Variants in ASTN2 observed in about 807,000 individuals in gnomAD.
The protein encoded by ASTN2 is astrotactin-2.
A neutral mutation model predicts 139.8 loss-of-function variants in ASTN2; 54 were observed. That is an observed-to-expected ratio of 0.39 (90% CI 0.31 to 0.48). The LOEUF is 0.48. ASTN2 is among the 20% of genes least tolerant of loss of function. The probability of loss-of-function intolerance (pLI) is 0.95; values close to 1 mark genes in which losing one functional copy is unlikely to be tolerated. For missense variants in ASTN2, 1,565 were observed against 1,725.1 expected (o/e 0.91, Z 1.64); for synonymous variants, 756 against 719.5 (o/e 1.05, Z -0.81).
At chr9:117,088,783 G>A (rs991930178) in intron 5 of ASTN2, among the ~76,000 whole-genome samples, 24 of 152,228 alleles carry the variant, frequency 1.6e-4, no homozygotes, top group African/African-American at 5.8e-4. Context: ...AACTGGCTGA[G>A]CAACCTGCAG....
chr9:117,352,944 G>A (rs1321843129), intron 1 of ASTN2, among the ~76,000 whole-genome samples: 5 of 152,166 alleles, frequency 3.3e-5, no homozygotes, highest in Admixed American at 1.3e-4. Flanking sequence ...TCACTTACAT[G>A]AAACATCTTG....
intron 19 of ASTN2, among the ~76,000 whole-genome samples, chr9:116,518,914 A>G (rs561935743): frequency 4.6e-5 from 7 of 152,312 alleles, no homozygotes; most frequent in Admixed American, 2.0e-4. Context: ...AAAGAGGTAC[A>G]TTATATAATG....
At chr9:116,510,381 T>C (rs1415641157) in intron 19 of ASTN2, among the ~76,000 whole-genome samples, 1 of 152,076 alleles carries the variant, frequency 6.6e-6, no homozygotes, top group African/African-American at 2.4e-5. Flanking sequence ...TGGGTACAAG[T>C]ACCATGCTGT....
At chr9:117,056,038 G>A (rs911324189) in intron 5 of ASTN2, among the ~76,000 whole-genome samples, 2 of 152,136 alleles carry the variant, frequency 1.3e-5, no homozygotes, top group African/African-American at 4.8e-5. Context: ...TCTGGCTCAC[G>A]GCTCTCAAGG....
At chr9:117,323,883 C>T (rs1057117068) in intron 1 of ASTN2, among the ~76,000 whole-genome samples, 1 of 152,136 alleles carries the variant, frequency 6.6e-6, no homozygotes, top group Non-Finnish European at 1.5e-5. Context: ...GTTAAATCTA[C>T]ATCTGTGTAA....
intron 3 of ASTN2, among the ~76,000 whole-genome samples, chr9:117,143,139 T>C (rs373225236): frequency 6.6e-6 from 1 of 152,290 alleles, no homozygotes. Flanking sequence ...TTGAGGGTTA[T>C]AGGGAAAAGG....
chr9:116,552,091 CTT>C (rs1292060440), intron 19 of ASTN2: 1 of 152,138 alleles, frequency 6.6e-6, no homozygotes, highest in Non-Finnish European at 1.5e-5. Context: ...TCCATGAAGA[CTT>C]TGCTTCCTTC....
chr9:116,983,987 C>T (rs1234591417), intron 7 of ASTN2, among the ~76,000 whole-genome samples: 1 of 152,180 alleles, frequency 6.6e-6, no homozygotes, highest in Non-Finnish European at 1.5e-5. Context: ...GATTGATATG[C>T]AGCGTTATTT....
In ASTN2 at chr9:117,036,073, G is replaced by A. The variant is rs116507558; in HGVS notation, c.1423+3746C>T. Among the ~76,000 whole-genome samples, 1,319 of 152,208 alleles carry A rather than the reference G, an allele frequency of 8.7e-3. 19 individuals carry two copies. The highest frequency in any genetic ancestry group is 0.03 in the African/African-American group (1,257 of 41,532). On this transcript the variant is annotated intron_variant, in intron 6 of 22. Coordinates refer to ENST00000313400, the MANE Select transcript of ASTN2 (RefSeq NM_001365068.1). ...CTAGGCACTTTATACACATTATAAC[G>A]TTCAATCATCCCATAATAATCCTTA... is the stretch of plus-strand genomic sequence containing the variant.
intron 19 of ASTN2, among the ~76,000 whole-genome samples, chr9:116,597,141 T>A (rs1188968225): frequency 6.6e-6 from 1 of 152,128 alleles, no homozygotes; most frequent in African/African-American, 2.4e-5. Context: ...TCCATCTTTT[T>A]CTGGCCTTTG....
At chr9:117,387,883 A>G (rs1169376803) in intron 1 of ASTN2, among the ~76,000 whole-genome samples, 1 of 152,184 alleles carries the variant, frequency 6.6e-6, no homozygotes, top group African/African-American at 2.4e-5. Flanking sequence ...TGGTCTTTAT[A>G]GAGCCCTTGA....
intron 5 of ASTN2, among the ~76,000 whole-genome samples, chr9:117,079,679 C>T (rs1462506740): frequency 1.2e-5 from 1 of 82,156 alleles, no homozygotes; most frequent in Admixed American, 1.2e-4. Flanking sequence ...GAGATATATT[C>T]ATTCCTCCAG....
chr9:116,598,554 A>G (rs1854704416), intron 19 of ASTN2, among the ~76,000 whole-genome samples: 1 of 152,050 alleles, frequency 6.6e-6, no homozygotes, highest in African/African-American at 2.4e-5. Flanking sequence ...TTTTGAACCA[A>G]CCACATATTT....
intron 13 of ASTN2, among the ~76,000 whole-genome samples, chr9:116,790,849 A>AT (rs1312291386): frequency 6.6e-6 from 1 of 150,738 alleles, no homozygotes; most frequent in African/African-American, 2.4e-5. Context: ...TAATTCTTGT[A>AT]TTTTTACTAG....
At chr9:116,592,166 C>A (rs1341149337) in intron 19 of ASTN2, among the ~76,000 whole-genome samples, 1 of 152,152 alleles carries the variant, frequency 6.6e-6, no homozygotes, top group Non-Finnish European at 1.5e-5. Flanking sequence ...GTGGATTTAA[C>A]ATAGTACCAG....
At chr9:116,755,032 G>A (rs908713632) in intron 13 of ASTN2, among the ~76,000 whole-genome samples, 1 of 152,082 alleles carries the variant, frequency 6.6e-6, no homozygotes, top group African/African-American at 2.4e-5. Flanking sequence ...CCCTGCTTCT[G>A]AACTTCTTGG....
intron 16 of ASTN2, among the ~76,000 whole-genome samples, chr9:116,654,680 A>C (rs949701493): frequency 1.3e-5 from 2 of 152,232 alleles, no homozygotes; most frequent in East Asian, 3.8e-4. Flanking sequence ...GAGTCCTTTC[A>C]GCACACAATC....
chr9:117,240,460 G>T lies in ASTN2; in HGVS notation c.631-25718C>A, dbSNP rs182350045. 1.2e-4 allele frequency among the ~76,000 whole-genome samples: 18 copies of T among 152,240 alleles called. No homozygotes were observed. The East Asian group carries it at 3.5e-3, about 29-fold the overall frequency. On this transcript the variant is annotated intron_variant, in intron 2 of 22. Coordinates refer to ENST00000313400, the MANE Select transcript of ASTN2 (RefSeq NM_001365068.1). Reference sequence around the variant, plus strand: ...CAAGCTGAAGCAATGCTTTCAATGGGTTACACTTGGCATGCCAAACATAAG... The same window carrying T: ...CAAGCTGAAGCAATGCTTTCAATGGTTTACACTTGGCATGCCAAACATAAG...
At chr9:116,899,084 C>G (rs1285361305) in intron 10 of ASTN2, among the ~76,000 whole-genome samples, 2 of 152,096 alleles carry the variant, frequency 1.3e-5, no homozygotes, top group African/African-American at 4.8e-5. Context: ...TTCTTAATTC[C>G]TATAGTGCCA....
Sources: allele counts gnomAD v4.1 joint callset (sites outside exome capture counted in the v4.1 genomes callset), GRCh38; gene constraint gnomAD v4.1.1; transcripts MANE v1.5; gene names NCBI Gene and HGNC (gene_info 2026-07-23, HGNC 2026-07-21).